Variants in RPS6KA3 observed in about 807,000 individuals in gnomAD.
The protein encoded by RPS6KA3 is ribosomal protein S6 kinase A3, also known as ribosomal protein S6 kinase alpha-3.
A neutral mutation model predicts 67.2 loss-of-function variants in RPS6KA3; 4 were observed. That is an observed-to-expected ratio of 0.06 (90% CI 0.03 to 0.14). The LOEUF (loss-of-function observed/expected upper bound fraction) is 0.14. RPS6KA3 is among the 10% of genes least tolerant of loss of function. RPS6KA3 has a pLI of 1.00. For missense variants in RPS6KA3, 204 were observed against 559.0 expected (o/e 0.36, Z 6.40); for synonymous variants, 182 against 183.7 (o/e 0.99, Z 0.07).
At chrX:20,247,569 G>A (rs1007317961) in intron 1 of RPS6KA3, among the ~76,000 whole-genome samples, 2 of 110,779 alleles carry the variant, frequency 1.8e-5, no homozygotes, top group South Asian at 7.4e-4. Flanking sequence ...GGTGGATCAC[G>A]AGGTCAGGAG....
intron 2 of RPS6KA3, among the ~76,000 whole-genome samples, chrX:20,226,146 G>C (rs1335334114): frequency 1.8e-5 from 2 of 111,669 alleles, no homozygotes; most frequent in Admixed American, 1.9e-4. Flanking sequence ...ACTCCAGCCT[G>C]GGTGACAGAG....
rs187560568 is a variant in RPS6KA3 at position 20,259,716 on chromosome X, T to C, written c.69+6848A>G. 2.2e-4 allele frequency among the ~76,000 whole-genome samples: 25 copies of C among 111,768 alleles called. No individual in the cohort carries two copies. The Admixed American group carries it at 2.3e-3, about 10-fold the overall frequency. ...AGGGGTTCTGACATCAAGTCTCAAATGCCGTGGGCCATATCCATTTTGCAG... is the reference window on the plus strand; with the variant it reads ...AGGGGTTCTGACATCAAGTCTCAAACGCCGTGGGCCATATCCATTTTGCAG... On this transcript the variant is annotated intron_variant, in intron 1 of 21. Coordinates refer to ENST00000379565, the MANE Select transcript of RPS6KA3 (RefSeq NM_004586.3).
chrX:20,218,725 ATAAC>A, intron 2 of RPS6KA3: 1 of 702,437 alleles, frequency 1.4e-6, no homozygotes, highest in Non-Finnish European at 2.2e-6. Flanking sequence ...ATAAAACGAA[ATAAC>A]TAATTACTGT....
chrX:20,189,346 C>T (rs1569217764), intron 7 of RPS6KA3, among the ~76,000 whole-genome samples: 1 of 112,423 alleles, frequency 8.9e-6, no homozygotes, highest in East Asian at 2.8e-4. Flanking sequence ...GGCCTGTTTG[C>T]AAAGGGCCTA....
chrX:20,258,248 T>C (rs923742660), intron 1 of RPS6KA3, among the ~76,000 whole-genome samples: 2 of 112,155 alleles, frequency 1.8e-5, no homozygotes, highest in African/African-American at 3.2e-5. Flanking sequence ...CAGCCACATA[T>C]AGATAGCAGC....
intron 10 of RPS6KA3, among the ~76,000 whole-genome samples, chrX:20,179,740 G>C (rs2067795819): frequency 9.0e-6 from 1 of 111,315 alleles, no homozygotes; most frequent in Non-Finnish European, 1.9e-5. Flanking sequence ...TAGTTGATGA[G>C]GGAAAGTTTG....
At position 20,150,698 on chromosome X, in the gene RPS6KA3, T is replaced by C. The variant is rs2067089426; in HGVS notation, c.*4700A>G. On this transcript the variant is annotated 3_prime_UTR_variant, in exon 22 of 22. Coordinates refer to ENST00000379565, the MANE Select transcript of RPS6KA3 (RefSeq NM_004586.3). ...AAAGATGTTCACTTCCATTAGACAA[T>C]GAACTAATCTACTTAGAGAGGACTA... 1 of 112,477 alleles carries C rather than the reference T, an allele frequency of 8.9e-6. No homozygotes were observed. Among genetic ancestry groups the C allele is most frequent in the Non-Finnish European group, 1.9e-5 (1 of 53,213 alleles). 9.3% of individuals were successfully genotyped at this position (112,477 alleles called of 1,213,427 possible). A position where few individuals can be genotyped will look rare whatever the true frequency, so the allele number is the denominator to read the frequency against.
intron 1 of RPS6KA3, among the ~76,000 whole-genome samples, chrX:20,257,544 A>G (rs1004977959): frequency 1.8e-5 from 2 of 112,104 alleles, no homozygotes; most frequent in Admixed American, 1.9e-4. Context: ...ACAGGTCTCA[A>G]TTTTCTTACA....
chrX:20,244,762 T>C (rs1378248330), intron 1 of RPS6KA3, among the ~76,000 whole-genome samples: 2 of 112,457 alleles, frequency 1.8e-5, no homozygotes, highest in African/African-American at 3.2e-5. Flanking sequence ...AAAATAGTTT[T>C]GTAATAAAAG....
intron 7 of RPS6KA3, among the ~76,000 whole-genome samples, chrX:20,192,689 G>C (rs2068170230): frequency 1.0e-5 from 1 of 96,610 alleles, no homozygotes; most frequent in Non-Finnish European, 2.0e-5. Flanking sequence ...CAGCCTCGAT[G>C]CCCCAAGCTC....
chrX:20,220,079 A>G (rs1001585884), intron 2 of RPS6KA3, among the ~76,000 whole-genome samples: 2 of 111,255 alleles, frequency 1.8e-5, no homozygotes, highest in Non-Finnish European at 3.8e-5. Context: ...TTTAGTACCC[A>G]TTTATTGAGC....
chrX:20,253,423 C>A, intron 1 of RPS6KA3, among the ~76,000 whole-genome samples: 1 of 110,996 alleles, frequency 9.0e-6, no homozygotes, highest in Non-Finnish European at 1.9e-5. Context: ...AGCACCCTGT[C>A]TAGGATATAT....
At chrX:20,265,271 G>C (rs1385910735) in intron 1 of RPS6KA3, among the ~76,000 whole-genome samples, 2 of 111,623 alleles carry the variant, frequency 1.8e-5, no homozygotes, top group African/African-American at 6.5e-5. Context: ...AGTGAAAAGC[G>C]ATTTGAACTG....
At chrX:20,252,355 T>C (rs2069897362) in intron 1 of RPS6KA3, among the ~76,000 whole-genome samples, 1 of 111,674 alleles carries the variant, frequency 9.0e-6, no homozygotes, top group Non-Finnish European at 1.9e-5. Flanking sequence ...TTGGTATAAG[T>C]GATTTTTTAC....
intron 2 of RPS6KA3, among the ~76,000 whole-genome samples, chrX:20,234,542 A>C (rs1410143535): frequency 9.0e-6 from 1 of 111,496 alleles, no homozygotes; most frequent in Non-Finnish European, 1.9e-5. Flanking sequence ...CAACAATATA[A>C]AGCAATTTGT....
chrX:20,223,770 T>C (rs150033728), intron 2 of RPS6KA3, among the ~76,000 whole-genome samples: 139 of 112,191 alleles, frequency 1.2e-3, no homozygotes, highest in Middle Eastern at 4.6e-3. Context: ...ATATTTGGGT[T>C]GTTATGATGT....
chrX:20,215,883 ATC>A (rs1189327233), intron 2 of RPS6KA3, among the ~76,000 whole-genome samples: 11 of 112,659 alleles, frequency 9.8e-5, no homozygotes, highest in African/African-American at 3.2e-4. Flanking sequence ...ACTGAAATAA[ATC>A]TGTCACATGA....
At chrX:20,193,830 T>A (rs1386811562) in intron 6 of RPS6KA3, among the ~76,000 whole-genome samples, 1 of 112,430 alleles carries the variant, frequency 8.9e-6, no homozygotes, top group Non-Finnish European at 1.9e-5. Flanking sequence ...TTGTTAAGTA[T>A]ATTCAGGGTG....
chrX:20,157,480 C>T (rs1188137809), intron 20 of RPS6KA3, among the ~76,000 whole-genome samples: 17 of 78,923 alleles, frequency 2.2e-4, no homozygotes, highest in African/African-American at 7.1e-4. Context: ...CTAGTCTGGG[C>T]AACAGAGCGA....
Sources: gnomAD v4.1 joint callset for allele counts (sites outside exome capture counted in the v4.1 genomes callset) on GRCh38, gnomAD v4.1.1 for gene constraint, MANE v1.5 for transcripts, NCBI Gene and HGNC (gene_info 2026-07-23, HGNC 2026-07-21) for gene names.